LIFR: variants seen among roughly 807,000 people sequenced by gnomAD.
The protein encoded by LIFR is LIF receptor subunit alpha, also known as leukemia inhibitory factor receptor.
LIFR carries 84 observed loss-of-function variants against 122.2 expected under a neutral mutation model. The ratio of observed to expected loss-of-function variants is 0.69; its 90% CI spans 0.58 to 0.82. The LOEUF (loss-of-function observed/expected upper bound fraction) is 0.82, where lower values mean the gene tolerates loss of function less well. Ranked by LOEUF, LIFR falls within the 40% of genes least tolerant of loss-of-function variation. The probability of loss-of-function intolerance (pLI) is 0.00; values close to 1 mark genes in which losing one functional copy is unlikely to be tolerated. For synonymous variants in LIFR, 422 were observed against 434.7 expected, an observed-to-expected ratio of 0.97 and a Z score of 0.36; for missense variants, 1,294 against 1,311.6, an observed-to-expected ratio of 0.99 and a Z score of 0.21.
At chr5:38,557,640 T>A (rs1748656388), upstream of LIFR, 1 of 154,930 alleles carries the variant, frequency 6.5e-6, no homozygotes, top group Admixed American at 6.5e-5. Flanking sequence ...TTTAAAGACC[T>A]TTCGATGAAA....
intron 1 of LIFR, among the ~76,000 whole-genome samples, chr5:38,533,726 G>A (rs1212934063): frequency 6.6e-6 from 1 of 152,118 alleles, no homozygotes; most frequent in East Asian, 1.9e-4. Flanking sequence ...GGACAGGTAG[G>A]TAGAGACAGA....
intron 11 of LIFR, among the ~76,000 whole-genome samples, chr5:38,501,376 A>G (rs1045155811): frequency 1.8e-4 from 27 of 152,324 alleles, no homozygotes; most frequent in African/African-American, 5.3e-4. Flanking sequence ...TTGCTTTGCT[A>G]TTTCTTAAAT....
At chr5:38,574,201 T>A (rs1316819457) in intron 1 of LIFR, among the ~76,000 whole-genome samples, 1 of 151,962 alleles carries the variant, frequency 6.6e-6, no homozygotes, top group African/African-American at 2.4e-5. Flanking sequence ...TGGTCTTCAC[T>A]CTCCCCTCTG....
At chr5:38,495,204 T>A (rs1411784954) in intron 13 of LIFR, among the ~76,000 whole-genome samples, 3 of 152,182 alleles carry the variant, frequency 2.0e-5, no homozygotes, top group South Asian at 2.1e-4. Flanking sequence ...TAAATTACCA[T>A]TTTCTAAGGG....
Position 38,548,792 on chromosome 5 carries a change from G to A in LIFR, c.-20+7542C>T, listed in dbSNP as rs370680188. On this transcript the variant is annotated intron_variant, in intron 1 of 19. Transcript: ENST00000453190. The stretch of plus-strand genomic sequence containing the variant: ...TTCAGTTTTAAAGTAAATAAAACTC[G>A]ACAAAGTATTTCCCAGTGACCAGAA... 2.2e-4 allele frequency among the ~76,000 whole-genome samples: 34 copies of A among 152,050 alleles called. 1 individual carries two copies. The highest frequency in any genetic ancestry group is 1.9e-4 in the East Asian group (1 of 5,200).
intron 7 of LIFR, among the ~76,000 whole-genome samples, chr5:38,509,733 C>CA (rs1745693600): frequency 6.6e-6 from 1 of 152,024 alleles, no homozygotes; most frequent in Admixed American, 6.5e-5. Context: ...TCAGTGACAC[C>CA]AAAACATTAC....
intron 12 of LIFR, 96 bp downstream of exon 12, chr5:38,499,417 T>C: frequency 1.2e-6 from 1 of 840,766 alleles, no homozygotes; most frequent in Non-Finnish European, 2.1e-6. Context: ...AAAGCCAGTC[T>C]GGGAAGTTTC....
At chr5:38,538,436 C>A (rs569826040) in intron 1 of LIFR, among the ~76,000 whole-genome samples, 1 of 152,336 alleles carries the variant, frequency 6.6e-6, no homozygotes, top group Admixed American at 6.5e-5. Context: ...TTCCTTCAGG[C>A]ATGACAAAAT....
At chr5:38,574,546 A>G (rs2112723442) in intron 1 of LIFR, among the ~76,000 whole-genome samples, 1 of 152,304 alleles carries the variant, frequency 6.6e-6, no homozygotes, top group African/African-American at 2.4e-5. Flanking sequence ...TTGTTGAATG[A>G]ATGAATTTAA....
At chr5:38,510,007 A>G (rs1246195895) in intron 7 of LIFR, among the ~76,000 whole-genome samples, 1 of 152,200 alleles carries the variant, frequency 6.6e-6, no homozygotes, top group East Asian at 1.9e-4. Flanking sequence ...CCTCAAATAT[A>G]ATAGTTAAAA....
chr5:38,528,875 C>G (rs1561180181), intron 2 of LIFR, 35 bp from the exon 3 acceptor site: 5 of 471,916 alleles, frequency 1.1e-5, no homozygotes, highest in Non-Finnish European at 1.6e-5. Flanking sequence ...CACACACACA[C>G]ACAGACACAC....
Position 38,581,631 on chromosome 5 carries a change from A to C in LIFR, c.-20+13630T>G, listed in dbSNP as rs1580226471. Reference sequence around the variant, plus strand: ...CTTCTTTTTTCTGGGACTGAAGTGAAATGAGCAGGTCCTTTCTGGAAATGG... The same window carrying C: ...CTTCTTTTTTCTGGGACTGAAGTGACATGAGCAGGTCCTTTCTGGAAATGG... On this transcript the variant is annotated intron_variant, in intron 1 of 19. Transcript: ENST00000263409. Among the ~76,000 whole-genome samples, 3 of 152,310 alleles carry C rather than the reference A, an allele frequency of 2.0e-5. No homozygotes were observed. In the Middle Eastern group the frequency reaches 0.01, roughly 518 times the overall value.
chr5:38,506,555 T>C lies in LIFR; in HGVS notation c.1069A>G (p.Arg357Gly), dbSNP rs1423835405. Residue 357 changes from arginine (R) to glycine (G), a missense_variant, in exon 8 of 20, where the codon AGG becomes GGG. Arg to Gly is a moderately radical substitution (Grantham distance 125, BLOSUM62 -2). Coordinates refer to ENST00000453190, the MANE Select transcript of LIFR (RefSeq NM_001127671.2). ...CGTGGGCCCACCAACGCTGTCACCC[T>C]TCCTGGATTCCAACTACATATAATT... is the stretch of plus-strand genomic sequence containing the variant. ...KEIICSWNPG[R>G]VTALVGPRAT... 1 of 1,614,054 alleles carries C rather than the reference T, an allele frequency of 6.2e-7. No homozygotes were observed. The highest frequency in any genetic ancestry group is 8.5e-7 in the Non-Finnish European group (1 of 1,179,914).
chr5:38,582,815 G>C (rs1338926129), intron 1 of LIFR, among the ~76,000 whole-genome samples: 5 of 152,136 alleles, frequency 3.3e-5, no homozygotes, highest in Admixed American at 2.0e-4. Flanking sequence ...ATGCTTACTT[G>C]GTTTCCTTCT....
intron 1 of LIFR, among the ~76,000 whole-genome samples, chr5:38,531,500 C>G (rs891955530): frequency 6.6e-6 from 1 of 151,400 alleles, no homozygotes; most frequent in African/African-American, 2.4e-5. Flanking sequence ...AAAAAAAGAA[C>G]CTAAAAAACT....
chr5:38,578,719 CTTTTTAAAAATATTT>C lies in LIFR; in HGVS notation c.-20+16527_-20+16541del, dbSNP rs551637737. Among the ~76,000 whole-genome samples, 81 of 151,770 alleles carry C rather than the reference CTTTTTAAAAATATTT, an allele frequency of 5.3e-4. 1 individual carries two copies. Among genetic ancestry groups the C allele is most frequent in the Non-Finnish European group, 9.6e-4 (65 of 67,954 alleles). ...GGTGTCCACCACCACACCCAGCTAA[CTTTTTAAAAATATTT>C]TTAGTAGAGACAGGGTTTCACCATG... is the stretch of plus-strand genomic sequence containing the variant. On this transcript the variant is annotated intron_variant, in intron 1 of 19. Transcript: ENST00000263409.
intron 1 of LIFR, chr5:38,595,205 G>A (rs1466090309): frequency 1.2e-5 from 2 of 161,734 alleles, no homozygotes; most frequent in Non-Finnish European, 2.7e-5. Context: ...ACAGGTCTAA[G>A]GGGACATGGG....
chr5:38,534,625 T>C (rs1580134574), intron 1 of LIFR, among the ~76,000 whole-genome samples: 1 of 152,188 alleles, frequency 6.6e-6, no homozygotes, highest in East Asian at 1.9e-4. Context: ...GATGCATCAC[T>C]GAGAATATCA....
At chr5:38,599,527 G>A (rs1294911166), upstream of LIFR, among the ~76,000 whole-genome samples, 3 of 152,128 alleles carry the variant, frequency 2.0e-5, no homozygotes, top group Non-Finnish European at 4.4e-5. Context: ...GTTACAGGTG[G>A]TCTTTGAAGC....
Sources: gnomAD v4.1 joint callset for allele counts (sites outside exome capture counted in the v4.1 genomes callset) on GRCh38, gnomAD v4.1.1 for gene constraint, MANE v1.5 for transcripts, NCBI Gene and HGNC (gene_info 2026-07-23, HGNC 2026-07-21) for gene names.